The following CPED1 variants were observed in gnomAD, a reference collection of about 807,000 sequenced individuals.
The protein encoded by CPED1 is cadherin like and PC-esterase domain containing 1.
In CPED1, 114 loss-of-function variants were observed where a neutral mutation model predicts 128.2. That is an observed-to-expected ratio of 0.89 (90% CI 0.76 to 1.04). The LOEUF is 1.04. Ranked by LOEUF, CPED1 falls within the 50% of genes least tolerant of loss-of-function variation. CPED1 has a pLI of 0.00. For synonymous variants in CPED1, 462 were observed against 426.7 expected (o/e 1.08, Z -1.02); for missense variants, 1,211 against 1,207.1 (o/e 1.00, Z -0.05).
intron 14 of CPED1, among the ~76,000 whole-genome samples, chr7:121,139,802 A>G (rs146667592): frequency 7.2e-5 from 11 of 152,242 alleles, no homozygotes; most frequent in East Asian, 3.9e-4. Context: ...GTTCAGTTTT[A>G]TAGCTTTCTG....
chr7:121,265,874 G>T (rs1792111295), intron 18 of CPED1, among the ~76,000 whole-genome samples: 1 of 152,078 alleles, frequency 6.6e-6, no homozygotes, highest in Non-Finnish European at 1.5e-5. Context: ...AAATCCCTAA[G>T]TATTCCTAGA....
At chr7:121,258,617 G>A (rs1458492109) in intron 18 of CPED1, among the ~76,000 whole-genome samples, 1 of 152,010 alleles carries the variant, frequency 6.6e-6, no homozygotes, top group Admixed American at 6.6e-5. Context: ...TCTACTGGAG[G>A]AACAGACAAT....
chr7:121,172,486 T>C (rs1320055602), intron 16 of CPED1, among the ~76,000 whole-genome samples: 3 of 152,136 alleles, frequency 2.0e-5, no homozygotes, highest in Admixed American at 6.6e-5. Flanking sequence ...ATTGCTGCTT[T>C]CTTCTAGAAA....
chr7:121,197,948 CT>C (rs1460183335), intron 16 of CPED1, among the ~76,000 whole-genome samples: 4 of 152,094 alleles, frequency 2.6e-5, no homozygotes, highest in Non-Finnish European at 5.9e-5. Context: ...GTAAGTGTGG[CT>C]TTTGTTTAAT....
intron 16 of CPED1, among the ~76,000 whole-genome samples, chr7:121,172,004 C>T (rs139667142): frequency 4.9e-4 from 74 of 152,206 alleles, no homozygotes; most frequent in African/African-American, 1.7e-3. Flanking sequence ...AATAGGAAGG[C>T]GCTGAGGTGG....
intron 5 of CPED1, among the ~76,000 whole-genome samples, chr7:121,083,448 G>T (rs1251200012): frequency 2.0e-5 from 3 of 152,126 alleles, no homozygotes; most frequent in Non-Finnish European, 4.4e-5. Context: ...TTCACTGATT[G>T]TGCTGCCAAG....
Position 121,097,548 on chromosome 7 carries a change from T to G in CPED1, c.617-151T>G, listed in dbSNP as rs373940536. 3.1e-4 allele frequency: 246 copies of G among 783,342 alleles called. 4 individuals carry two copies. The South Asian group carries it at 4.1e-3, about 13-fold the overall frequency. The allele number at this position is 783,342 out of a possible 1,614,324, so 48.5% of individuals were successfully genotyped here. A position where few individuals can be genotyped will look rare whatever the true frequency, so the allele number is the denominator to read the frequency against. ...GGCCTCTCTAAATATGCATTCATACTTAGTGGATCCATTTTTGATTCAGAA... is the reference window on the plus strand; with the variant it reads ...GGCCTCTCTAAATATGCATTCATACGTAGTGGATCCATTTTTGATTCAGAA... On this transcript the variant is annotated intron_variant, in intron 5 of 22. Coordinates refer to ENST00000310396, the MANE Select transcript of CPED1 (RefSeq NM_024913.5).
At chr7:121,066,585 T>A (rs2116063611) in intron 5 of CPED1, among the ~76,000 whole-genome samples, 1 of 134,122 alleles carries the variant, frequency 7.5e-6, no homozygotes, top group East Asian at 2.3e-4. Flanking sequence ...TAAGATTTTA[T>A]CTTTCGGTCA....
At chr7:121,024,356 A>G (rs2116839282) in intron 3 of CPED1, among the ~76,000 whole-genome samples, 1 of 152,306 alleles carries the variant, frequency 6.6e-6, no homozygotes, top group African/African-American at 2.4e-5. Flanking sequence ...CAGAGAACAA[A>G]AAGCCAGTGT....
intron 5 of CPED1, among the ~76,000 whole-genome samples, chr7:121,070,517 A>T (rs1217061292): frequency 6.6e-6 from 1 of 152,162 alleles, no homozygotes; most frequent in African/African-American, 2.4e-5. Flanking sequence ...AATAGCAGAA[A>T]GTAAGCTGAT....
Position 121,266,380 on chromosome 7 carries a change from C to T in CPED1, c.2464C>T (p.Pro822Ser). The T allele has an allele frequency of 1.9e-6, 3 of 1,613,174 alleles. No individual in the cohort carries two copies. Among genetic ancestry groups the T allele is most frequent in the Non-Finnish European group, 2.5e-6 (3 of 1,179,408 alleles). Reference protein sequence around the residue: ...GKTLISYSYYPQFWISPSLRP... With the variant: ...GKTLISYSYYSQFWISPSLRP... ...GACTTTGATCAGTTATTCCTACTAT[C>T]CCCAGTTCTGGATAAGCCCTTCATT... Residue 822 changes from proline to serine, a missense_variant, in exon 19 of 23, where the codon CCC becomes TCC. By Grantham distance (74) the Pro-to-Ser change is moderately conservative. Coordinates refer to ENST00000310396, the MANE Select transcript of CPED1 (RefSeq NM_024913.5).
At chr7:121,004,205 G>T (rs757338931) in intron 2 of CPED1, among the ~76,000 whole-genome samples, 1 of 152,190 alleles carries the variant, frequency 6.6e-6, no homozygotes, top group Non-Finnish European at 1.5e-5. Context: ...GGAAAATCCA[G>T]ATGAACTGGT....
At chr7:121,224,439 A>AT (rs1451857014) in intron 16 of CPED1, among the ~76,000 whole-genome samples, 7 of 152,112 alleles carry the variant, frequency 4.6e-5, no homozygotes, top group Admixed American at 2.6e-4. Flanking sequence ...TATTCTGTTG[A>AT]TTTGGGGTGG....
chr7:121,294,271 A>G (rs1792774378), intron 22 of CPED1, among the ~76,000 whole-genome samples: 1 of 152,198 alleles, frequency 6.6e-6, no homozygotes, highest in Non-Finnish European at 1.5e-5. Context: ...GAAATGAACC[A>G]TATATTTGGG....
chr7:121,112,333 C>G (rs1185366007), intron 7 of CPED1, among the ~76,000 whole-genome samples: 1 of 151,904 alleles, frequency 6.6e-6, no homozygotes, highest in African/African-American at 2.4e-5. Flanking sequence ...CCAGATAGGC[C>G]CTGTGCATGT....
chr7:121,282,029 A>G (rs573597766), intron 22 of CPED1, among the ~76,000 whole-genome samples: 3 of 152,218 alleles, frequency 2.0e-5, no homozygotes, highest in Non-Finnish European at 2.9e-5. Flanking sequence ...CATATTTAAC[A>G]TATTACAAAC....
chr7:121,250,216 T>A (rs965561850), intron 18 of CPED1, among the ~76,000 whole-genome samples: 1 of 152,122 alleles, frequency 6.6e-6, no homozygotes, highest in Non-Finnish European at 1.5e-5. Flanking sequence ...TGCTCCTGAA[T>A]AACTACTGGG....
Position 121,140,834 on chromosome 7 carries a change from C to T in CPED1, c.1707C>T (p.Asn569=), listed in dbSNP as rs751866149. ...NKEIHCSDDE[N]TPCHIKQIFT... Reference sequence around the variant, plus strand: ...TTTTTGTTTTTTTAACAGATGAAAACACACCATGTCATATCAAGCAGATCT... The same window carrying T: ...TTTTTGTTTTTTTAACAGATGAAAATACACCATGTCATATCAAGCAGATCT... Residue 569 remains asparagine, a synonymous_variant, in exon 15 of 23, where the codon AAC becomes AAT. Transcript: ENST00000310396. 25 of 1,608,336 alleles carry T rather than the reference C, an allele frequency of 1.6e-5. No individual in the cohort carries two copies. The highest frequency in any genetic ancestry group is 2.0e-5 in the Non-Finnish European group (23 of 1,177,432).
intron 18 of CPED1, among the ~76,000 whole-genome samples, chr7:121,252,684 A>G (rs1798707060): frequency 1.3e-5 from 2 of 152,220 alleles, no homozygotes; most frequent in African/African-American, 2.4e-5. Context: ...AAAAGAAGAC[A>G]TTTATGCAGC....
Sources: allele counts gnomAD v4.1 joint callset (sites outside exome capture counted in the v4.1 genomes callset), GRCh38; gene constraint gnomAD v4.1.1; transcripts MANE v1.5; gene names NCBI Gene and HGNC (gene_info 2026-07-23, HGNC 2026-07-21).